MGAT4C: variants seen among roughly 807,000 people sequenced by gnomAD.
MGAT4C encodes the protein MGAT4 family member C.
A neutral mutation model predicts 40.1 loss-of-function variants in MGAT4C; 19 were observed. The ratio of observed to expected loss-of-function variants is 0.47; its 90% CI spans 0.33 to 0.70. The LOEUF (loss-of-function observed/expected upper bound fraction) is 0.70, where lower values mean the gene tolerates loss of function less well. Ranked by LOEUF, MGAT4C falls within the 30% of genes least tolerant of loss-of-function variation. The pLI is 0.02. For missense variants in MGAT4C, 491 were observed against 563.2 expected (o/e 0.87, Z 1.30); for synonymous variants, 181 against 187.1 (o/e 0.97, Z 0.27).
chr12:86,216,614 TTCTA>T (rs1275044314), intron 1 of MGAT4C, among the ~76,000 whole-genome samples: 3 of 152,240 alleles, frequency 2.0e-5, no homozygotes, highest in Non-Finnish European at 4.4e-5. Context: ...TGTAATATTT[TTCTA>T]TCTTTTTATA....
intron 2 of MGAT4C, among the ~76,000 whole-genome samples, chr12:86,623,148 G>A (rs778677668): frequency 6.6e-6 from 1 of 151,846 alleles, no homozygotes; most frequent in Non-Finnish European, 1.5e-5. Flanking sequence ...TCTGAAGAAG[G>A]GGAAAGCAGA....
chr12:86,509,604 A>T (rs1440801183), intron 2 of MGAT4C, among the ~76,000 whole-genome samples: 1 of 152,074 alleles, frequency 6.6e-6, no homozygotes, highest in Middle Eastern at 3.2e-3. Context: ...GAAGAAAGTC[A>T]TTGGTAGCTT....
At position 85,979,193 on chromosome 12, in the gene MGAT4C, C is replaced by A; in HGVS notation, c.*96G>T. On this transcript the variant is annotated 3_prime_UTR_variant, in exon 5 of 5. Coordinates refer to ENST00000611864, the MANE Select transcript of MGAT4C (RefSeq NM_001351288.2). ...CCAATGTAATTAATGTTTCTTTTAA[C>A]ATATCCCATCCATTGCTTTCCCTCC... is the stretch of plus-strand genomic sequence containing the variant. The A allele has an allele frequency of 5.4e-6, 5 of 933,862 alleles. No individual in the cohort carries two copies. The highest frequency in any genetic ancestry group is 8.0e-6 in the Non-Finnish European group (5 of 625,866). 57.8% of individuals were successfully genotyped at this position (933,862 alleles called of 1,614,324 possible).
chr12:86,106,244 C>T (rs1206783932), intron 1 of MGAT4C, among the ~76,000 whole-genome samples: 2 of 152,004 alleles, frequency 1.3e-5, no homozygotes, highest in Non-Finnish European at 2.9e-5. Context: ...TTTCTCTTCT[C>T]TTTTTTTCAT....
intron 2 of MGAT4C, among the ~76,000 whole-genome samples, chr12:86,539,118 G>T (rs1238504313): frequency 6.6e-6 from 1 of 151,808 alleles, no homozygotes; most frequent in Non-Finnish European, 1.5e-5. Flanking sequence ...TTGGTGTGCT[G>T]CACCCATTAA....
intron 1 of MGAT4C, among the ~76,000 whole-genome samples, chr12:86,208,769 C>A (rs1950352580): frequency 6.6e-6 from 1 of 152,012 alleles, no homozygotes; most frequent in Non-Finnish European, 1.5e-5. Flanking sequence ...GAGTAAATAT[C>A]TGGATTCAAC....
chr12:86,289,309 G>A (rs1397729020), intron 4 of MGAT4C, among the ~76,000 whole-genome samples: 1 of 152,074 alleles, frequency 6.6e-6, no homozygotes, highest in African/African-American at 2.4e-5. Flanking sequence ...GGTTACTGTT[G>A]CCTTGTAGTA....
chr12:86,462,827 C>T (rs1957622163), intron 2 of MGAT4C, among the ~76,000 whole-genome samples: 1 of 152,160 alleles, frequency 6.6e-6, no homozygotes, highest in Non-Finnish European at 1.5e-5. Context: ...CATCTTCTGC[C>T]TGCTTTATTC....
chr12:86,141,164 ATTCAGAGATAAATAC>A (rs147594411), intron 1 of MGAT4C, among the ~76,000 whole-genome samples: 2 of 152,354 alleles, frequency 1.3e-5, no homozygotes, highest in African/African-American at 4.8e-5. Context: ...TGATCAACAA[ATTCAGAGATAAATAC>A]TTCTTTTTGA....
intron 1 of MGAT4C, among the ~76,000 whole-genome samples, chr12:86,079,203 C>T (rs1339170899): frequency 1.3e-5 from 2 of 152,016 alleles, no homozygotes; most frequent in African/African-American, 2.4e-5. Flanking sequence ...GTAGTCAAAT[C>T]CTGGCATAGA....
intron 2 of MGAT4C, among the ~76,000 whole-genome samples, chr12:86,460,448 G>C (rs1957580814): frequency 6.6e-6 from 1 of 152,132 alleles, no homozygotes; most frequent in Non-Finnish European, 1.5e-5. Flanking sequence ...TAGGCAAATT[G>C]TTGTAAGTAA....
chr12:86,100,914 T>C (rs1350212947), intron 1 of MGAT4C, among the ~76,000 whole-genome samples: 1 of 151,678 alleles, frequency 6.6e-6, no homozygotes, highest in Non-Finnish European at 1.5e-5. Flanking sequence ...GCATACATAA[T>C]TGCAAGATTG....
chr12:86,597,606 C>G (rs1455911556), intron 2 of MGAT4C, among the ~76,000 whole-genome samples: 1 of 152,120 alleles, frequency 6.6e-6, no homozygotes, highest in Non-Finnish European at 1.5e-5. Flanking sequence ...TTCTGATGTT[C>G]TTTCAGGTCC....
At chr12:86,703,301 T>C (rs1950396375) in intron 2 of MGAT4C, among the ~76,000 whole-genome samples, 1 of 152,182 alleles carries the variant, frequency 6.6e-6, no homozygotes, top group South Asian at 2.1e-4. Context: ...AGAGGATTGG[T>C]TCCAATTTTG....
At chr12:86,060,248 T>C (rs575241457) in intron 1 of MGAT4C, among the ~76,000 whole-genome samples, 40 of 152,180 alleles carry the variant, frequency 2.6e-4, no homozygotes, top group Non-Finnish European at 5.3e-4. Context: ...AAAGAATTGT[T>C]TTTCAATTAT....
Position 86,001,650 on chromosome 12 carries a change from T to C in MGAT4C, c.-6-12098A>G, listed in dbSNP as rs115177881. ...ACAGAGGCTGAGTTAGTCCTGTTTC[T>C]TTTTGTAAGAAGTTGGTATAGTCAC... On this transcript the variant is annotated intron_variant, in intron 2 of 4. Coordinates refer to ENST00000611864, the MANE Select transcript of MGAT4C (RefSeq NM_001351288.2). 1,484 of 983,920 alleles carry C rather than the reference T, an allele frequency of 1.5e-3. 19 individuals carry two copies. The African/African-American group carries it at 0.024, about 16-fold the overall frequency. 60.9% of individuals were successfully genotyped at this position (983,920 alleles called of 1,614,324 possible). A position where few individuals can be genotyped will look rare whatever the true frequency, so the allele number is the denominator to read the frequency against.
chr12:86,269,463 T>C (rs1030570227), intron 4 of MGAT4C, among the ~76,000 whole-genome samples: 1 of 151,942 alleles, frequency 6.6e-6, no homozygotes, highest in Non-Finnish European at 1.5e-5. Context: ...ACTACAGTCA[T>C]AAAATGTGAT....
rs1565860008 is a variant in MGAT4C, at chr12:86,576,043, C to T, written c.-228-140778G>A. Reference sequence around the variant, plus strand: ...CATTTTAACTGGGATGAGATGATATCTCATTGTAGCTTTGATTAGCATTTC... The same window carrying T: ...CATTTTAACTGGGATGAGATGATATTTCATTGTAGCTTTGATTAGCATTTC... On this transcript the variant is annotated intron_variant, in intron 2 of 7. Coordinates refer to the MGAT4C transcript ENST00000548651. Among the ~76,000 whole-genome samples, 4 of 152,022 alleles carry T rather than the reference C, an allele frequency of 2.6e-5. No individual in the cohort carries two copies. The South Asian group carries it at 8.3e-4, about 32-fold the overall frequency.
At position 86,079,633 on chromosome 12, in the gene MGAT4C, C is replaced by A. The variant is rs555490087; in HGVS notation, c.-56-29910G>T. The stretch of plus-strand genomic sequence containing the variant: ...TTCAGCAAGGAAAATAGGAATTTCC[C>A]TGGAAAATTACCCTGAAAACATTCC... On this transcript the variant is annotated intron_variant, in intron 1 of 4. Coordinates refer to ENST00000611864, the MANE Select transcript of MGAT4C (RefSeq NM_001351288.2). Among the ~76,000 whole-genome samples the A allele has an allele frequency of 1.8e-4, 28 of 152,080 alleles. No individual in the cohort carries two copies. The South Asian group carries it at 5.6e-3, about 30-fold the overall frequency.
Sources: allele counts gnomAD v4.1 joint callset (sites outside exome capture counted in the v4.1 genomes callset), GRCh38; gene constraint gnomAD v4.1.1; transcripts MANE v1.5; gene names NCBI Gene and HGNC (gene_info 2026-07-23, HGNC 2026-07-21).